MACROD2: variants seen among roughly 807,000 people sequenced by gnomAD.
MACROD2 encodes mono-ADP ribosylhydrolase 2, also known as ADP-ribose glycohydrolase MACROD2.
MACROD2 carries 36 observed loss-of-function variants against 70.4 expected under a neutral mutation model. The observed-to-expected ratio is 0.51, with a 90% CI of 0.39 to 0.68. The LOEUF (loss-of-function observed/expected upper bound fraction) is 0.68. MACROD2 is among the 30% of genes least tolerant of loss of function. The pLI, the probability that MACROD2 is intolerant of heterozygous loss-of-function variation, is 0.00. For missense variants in MACROD2, 496 were observed against 538.4 expected, an observed-to-expected ratio of 0.92 and a Z score of 0.78; for synonymous variants, 172 against 178.8, an observed-to-expected ratio of 0.96 and a Z score of 0.30.
At chr20:15,285,531 A>T (rs2077483239) in intron 6 of MACROD2, among the ~76,000 whole-genome samples, 1 of 152,188 alleles carries the variant, frequency 6.6e-6, no homozygotes. Flanking sequence ...TGAAAATCGT[A>T]CTTCAATATG....
chr20:15,037,727 T>C (rs889592554), intron 5 of MACROD2, among the ~76,000 whole-genome samples: 4 of 152,074 alleles, frequency 2.6e-5, no homozygotes, highest in African/African-American at 9.7e-5. Flanking sequence ...AGGTTGCAAA[T>C]TTTAGTTTTA....
At chr20:14,805,438 A>G (rs1026378884) in intron 5 of MACROD2, among the ~76,000 whole-genome samples, 2 of 152,046 alleles carry the variant, frequency 1.3e-5, no homozygotes, top group African/African-American at 2.4e-5. Context: ...AGACAGTTCT[A>G]TGAGTAACCA....
chr20:15,059,091 T>TAC (rs2075510992), intron 5 of MACROD2, among the ~76,000 whole-genome samples: 1 of 152,200 alleles, frequency 6.6e-6, no homozygotes, highest in African/African-American at 2.4e-5. Flanking sequence ...GTACTAGAAT[T>TAC]ACACACACAA....
chr20:14,839,339 T>C (rs533109807), intron 5 of MACROD2, among the ~76,000 whole-genome samples: 1 of 152,118 alleles, frequency 6.6e-6, no homozygotes, highest in Non-Finnish European at 1.5e-5. Flanking sequence ...AGAGATCGCA[T>C]GAAAGAATTT....
rs557182413 is a variant in MACROD2 at position 14,090,995 on chromosome 20, G to A, written c.271+5267G>A. ...TCCATTTGTGCTTCCCTAATGATTAGTGGTGCTGAGCATTTTTTTTCATGT... is the reference window on the plus strand; with the variant it reads ...TCCATTTGTGCTTCCCTAATGATTAATGGTGCTGAGCATTTTTTTTCATGT... On this transcript the variant is annotated intron_variant, in intron 3 of 17. Transcript: ENST00000684519. 3.9e-5 allele frequency among the ~76,000 whole-genome samples: 6 copies of A among 152,262 alleles called. No individual in the cohort carries two copies. The East Asian group carries it at 1.2e-3, about 29-fold the overall frequency.
At chr20:14,966,998 A>G (rs537982472) in intron 5 of MACROD2, among the ~76,000 whole-genome samples, 1 of 151,668 alleles carries the variant, frequency 6.6e-6, no homozygotes, top group Non-Finnish European at 1.5e-5. Context: ...AATTTATGGT[A>G]TGTGTGTAAT....
At chr20:15,619,536 A>T (rs935064732) in intron 8 of MACROD2, 20 of 409,190 alleles carry the variant, frequency 4.9e-5, no homozygotes, top group Non-Finnish European at 7.8e-5. Flanking sequence ...TTCTGGGCAG[A>T]TCCTGTGTGG....
chr20:14,481,463 T>C (rs1395106579), intron 3 of MACROD2, among the ~76,000 whole-genome samples: 1 of 152,102 alleles, frequency 6.6e-6, no homozygotes, highest in Non-Finnish European at 1.5e-5. Flanking sequence ...GTAAATAATA[T>C]GGGAAAGGTA....
chr20:15,654,044 G>A (rs1363352070), intron 8 of MACROD2, among the ~76,000 whole-genome samples: 2 of 152,158 alleles, frequency 1.3e-5, no homozygotes, highest in African/African-American at 4.8e-5. Flanking sequence ...CCTATTCTCT[G>A]GTTACCTTGC....
rs534422122 is a variant in MACROD2 at position 14,637,277 on chromosome 20, GA to G, written c.302-47564del. ...CTGGTATATGTGTCTCCAGCTTTAAGAAGAAGAAAAAATCCACTCTAATGAC... is the reference window on the plus strand; with the variant it reads ...CTGGTATATGTGTCTCCAGCTTTAAGAGAAGAAAAAATCCACTCTAATGAC... On this transcript the variant is annotated intron_variant, in intron 4 of 17. Transcript: ENST00000684519. 2.7e-3 allele frequency among the ~76,000 whole-genome samples: 410 copies of G among 152,200 alleles called. 3 individuals are homozygous for G. Among genetic ancestry groups the G allele is most frequent in the African/African-American group, 8.9e-3 (369 of 41,522 alleles).
At position 14,449,272 on chromosome 20, in the gene MACROD2, A is replaced by G. The variant is rs375692071; in HGVS notation, c.272-44207A>G. Among the ~76,000 whole-genome samples the G allele has an allele frequency of 5.1e-4, 78 of 152,268 alleles. 2 individuals carry two copies. In the South Asian group the frequency reaches 0.016, roughly 32 times the overall value. ...GAGAAATGAATAGATGGTTCTTTGT[A>G]GACTTACTTGGCATTGTTTTCAAGG... On this transcript the variant is annotated intron_variant, in intron 3 of 17. Coordinates refer to ENST00000684519, the MANE Select transcript of MACROD2 (RefSeq NM_001351661.2).
At chr20:14,076,197 ATATG>A (rs2053914366) in intron 2 of MACROD2, among the ~76,000 whole-genome samples, 1 of 152,138 alleles carries the variant, frequency 6.6e-6, no homozygotes. Context: ...TATGTTATAT[ATATG>A]TGATATTTTT....
intron 6 of MACROD2, among the ~76,000 whole-genome samples, chr20:15,296,692 G>A (rs1314616322): frequency 6.6e-6 from 1 of 151,800 alleles, no homozygotes; most frequent in Non-Finnish European, 1.5e-5. Context: ...TAATAAGACT[G>A]TATCTACCCA....
intron 8 of MACROD2, among the ~76,000 whole-genome samples, chr20:15,582,934 T>A (rs2048546203): frequency 6.6e-6 from 1 of 152,150 alleles, no homozygotes; most frequent in African/African-American, 2.4e-5. Context: ...TTCTGGCAAT[T>A]GAAAATGGCC....
At chr20:15,017,172 C>A (rs368559203) in intron 5 of MACROD2, among the ~76,000 whole-genome samples, 2 of 152,190 alleles carry the variant, frequency 1.3e-5, no homozygotes, top group Non-Finnish European at 2.9e-5. Flanking sequence ...AAGGTAGTTA[C>A]TTCCTAGATT....
intron 7 of MACROD2, among the ~76,000 whole-genome samples, chr20:15,484,822 C>T (rs1006018768): frequency 1.3e-5 from 2 of 152,044 alleles, no homozygotes; most frequent in African/African-American, 2.4e-5. Flanking sequence ...TCTAGTAATC[C>T]GTCAGTTAGA....
intron 3 of MACROD2, among the ~76,000 whole-genome samples, chr20:14,397,809 A>G (rs2083596361): frequency 1.3e-5 from 2 of 152,154 alleles, no homozygotes; most frequent in South Asian, 4.1e-4. Context: ...TTTTCTCCAC[A>G]GTGCCATAGA....
chr20:14,283,261 A>G (rs2082320126), intron 3 of MACROD2, among the ~76,000 whole-genome samples: 1 of 152,222 alleles, frequency 6.6e-6, no homozygotes, highest in East Asian at 1.9e-4. Flanking sequence ...GTCAAATGCA[A>G]TAAATTTAGT....
rs543433548 is a variant in MACROD2, at chr20:15,300,977, A to G, written c.540+70916A>G. On this transcript the variant is annotated intron_variant, in intron 6 of 17. Transcript: ENST00000684519. The stretch of plus-strand genomic sequence containing the variant: ...AGGGGAGAGAACAGAGGCCTCTGCT[A>G]TGAAGTGGGGAGGTCCTGCCTGCAC... Among the ~76,000 whole-genome samples the G allele has an allele frequency of 3.4e-3, 522 of 152,260 alleles. 5 individuals are homozygous for G. Among genetic ancestry groups the G allele is most frequent in the Non-Finnish European group, 5.5e-3 (377 of 68,014 alleles).
Sources: gnomAD v4.1 joint callset for allele counts (sites outside exome capture counted in the v4.1 genomes callset) on GRCh38, gnomAD v4.1.1 for gene constraint, MANE v1.5 for transcripts, NCBI Gene and HGNC (gene_info 2026-07-23, HGNC 2026-07-21) for gene names.